The following RAB31 variants were observed in gnomAD, a reference collection of about 807,000 sequenced individuals.
RAB31 encodes the protein RAB31, member RAS oncogene family.
Under a neutral mutation model 25.6 loss-of-function variants are expected in RAB31, and 21 were observed. The ratio of observed to expected loss-of-function variants is 0.82; its 90% CI spans 0.58 to 1.18. The LOEUF (loss-of-function observed/expected upper bound fraction) is 1.18. RAB31 is among the 50% of genes most tolerant of loss of function. The probability of loss-of-function intolerance (pLI) is 0.00; values close to 1 mark genes in which losing one functional copy is unlikely to be tolerated. For missense variants in RAB31, 196 were observed against 250.1 expected, an observed-to-expected ratio of 0.78 and a Z score of 1.46; for synonymous variants, 87 against 84.0, an observed-to-expected ratio of 1.04 and a Z score of -0.20.
intron 1 of RAB31, among the ~76,000 whole-genome samples, chr18:9,718,418 C>A (rs1047010702): frequency 6.6e-6 from 1 of 151,642 alleles, no homozygotes; most frequent in African/African-American, 2.4e-5. Context: ...CGCCACCATG[C>A]CTGGCTAATT....
At chr18:9,719,301 ATAT>A (rs2068061504) in intron 1 of RAB31, among the ~76,000 whole-genome samples, 15 of 23,722 alleles carry the variant, frequency 6.3e-4, no homozygotes, top group East Asian at 3.1e-3. Flanking sequence ...AAAAAAAAAT[ATAT>A]ATATATATAT....
chr18:9,737,723 G>T (rs1273562173), intron 1 of RAB31, among the ~76,000 whole-genome samples: 1 of 152,156 alleles, frequency 6.6e-6, no homozygotes, highest in African/African-American at 2.4e-5. Context: ...GCAGAAAATT[G>T]CAGGCTAGAG....
intron 4 of RAB31, chr18:9,814,762 C>A: frequency 5.6e-6 from 1 of 177,462 alleles, no homozygotes; most frequent in South Asian, 1.2e-4. Context: ...AGACAGGACT[C>A]TAAATATATA....
intron 1 of RAB31, among the ~76,000 whole-genome samples, chr18:9,765,651 C>G (rs1450152261): frequency 6.6e-6 from 1 of 152,168 alleles, no homozygotes; most frequent in East Asian, 1.9e-4. Flanking sequence ...CCAGAGCAAA[C>G]AGGCCCAGTA....
At chr18:9,747,108 A>G (rs1479334887) in intron 1 of RAB31, among the ~76,000 whole-genome samples, 1 of 152,250 alleles carries the variant, frequency 6.6e-6, no homozygotes, top group Non-Finnish European at 1.5e-5. Context: ...AAGGATTTGA[A>G]TAGACCTTCT....
chr18:9,837,723 T>A (rs1413002851), intron 5 of RAB31, among the ~76,000 whole-genome samples: 1 of 152,198 alleles, frequency 6.6e-6, no homozygotes, highest in East Asian at 1.9e-4. Context: ...CATCCTTGAA[T>A]AAAAGTTTCT....
At chr18:9,804,351 ATGC>A (rs1271972300) in intron 3 of RAB31, among the ~76,000 whole-genome samples, 1 of 152,126 alleles carries the variant, frequency 6.6e-6, no homozygotes, top group Non-Finnish European at 1.5e-5. Flanking sequence ...TTAGTCTGGG[ATGC>A]CCTGAGTAGC....
intron 1 of RAB31, among the ~76,000 whole-genome samples, chr18:9,773,725 C>T (rs955147622): frequency 6.6e-6 from 1 of 152,192 alleles, no homozygotes; most frequent in Non-Finnish European, 1.5e-5. Context: ...GTGGCACAAT[C>T]ATAGCTCACT....
At chr18:9,793,608 G>C (rs1392121010) in intron 3 of RAB31, among the ~76,000 whole-genome samples, 2 of 151,828 alleles carry the variant, frequency 1.3e-5, no homozygotes, top group Non-Finnish European at 2.9e-5. Context: ...GTTGCAGTGA[G>C]CCGAGATCAT....
At chr18:9,740,699 T>G (rs1459604191) in intron 1 of RAB31, among the ~76,000 whole-genome samples, 1 of 151,794 alleles carries the variant, frequency 6.6e-6, no homozygotes, top group African/African-American at 2.4e-5. Flanking sequence ...GGCAACAGAG[T>G]AAGACTCTGT....
intron 2 of RAB31, among the ~76,000 whole-genome samples, chr18:9,782,179 T>G (rs912523913): frequency 6.6e-6 from 1 of 152,256 alleles, no homozygotes; most frequent in Admixed American, 6.5e-5. Context: ...CCTAGCCTGC[T>G]TCACTCATTT....
intron 5 of RAB31, among the ~76,000 whole-genome samples, chr18:9,842,052 G>A (rs1260745002): frequency 6.6e-6 from 1 of 152,112 alleles, no homozygotes; most frequent in African/African-American, 2.4e-5. Context: ...CTGTTGTTAT[G>A]GACACAACTC....
chr18:9,733,596 T>G (rs1213756917), intron 1 of RAB31, among the ~76,000 whole-genome samples: 1 of 152,156 alleles, frequency 6.6e-6, no homozygotes, highest in African/African-American at 2.4e-5. Context: ...CAATCCAAAC[T>G]CCAAGCCTCA....
intron 2 of RAB31, chr18:9,786,875 T>C (rs1200687807): frequency 2.0e-5 from 3 of 152,730 alleles, no homozygotes; most frequent in South Asian, 2.1e-4. Flanking sequence ...AGCCATGACG[T>C]TGAAGACTTG....
intron 1 of RAB31, among the ~76,000 whole-genome samples, chr18:9,738,606 C>A (rs1474522724): frequency 6.6e-6 from 1 of 152,208 alleles, no homozygotes; most frequent in Non-Finnish European, 1.5e-5. Context: ...CACACCCCTT[C>A]CCACATGCCT....
At chr18:9,828,485 T>C (rs974880909) in intron 5 of RAB31, among the ~76,000 whole-genome samples, 3 of 152,194 alleles carry the variant, frequency 2.0e-5, no homozygotes, top group Non-Finnish European at 4.4e-5. Flanking sequence ...AATCTATAGC[T>C]GGAAACCAGG....
In RAB31 at chr18:9,781,242, G is replaced by C. The variant is rs1283341781; in HGVS notation, c.119+5885G>C. On this transcript the variant is annotated intron_variant, in intron 2 of 6. Coordinates refer to ENST00000578921, the MANE Select transcript of RAB31 (RefSeq NM_006868.4). ...TCTTTTCCTCTAACTTCAAATGTTC[G>C]CATTTTCTCGTAGCTTAATGTTTCT... is the stretch of plus-strand genomic sequence containing the variant. Among the ~76,000 whole-genome samples, 7 of 151,864 alleles carry C rather than the reference G, an allele frequency of 4.6e-5. No individual in the cohort carries two copies. The South Asian group carries it at 1.0e-3, about 22-fold the overall frequency.
chr18:9,832,882 GC>G (rs1226784903), intron 5 of RAB31, among the ~76,000 whole-genome samples: 1 of 152,180 alleles, frequency 6.6e-6, no homozygotes, highest in Non-Finnish European at 1.5e-5. Context: ...CTTCCTGCAG[GC>G]CTCCCTGCGG....
intron 2 of RAB31, among the ~76,000 whole-genome samples, chr18:9,780,649 G>T (rs1387471570): frequency 6.6e-6 from 1 of 152,178 alleles, no homozygotes; most frequent in East Asian, 1.9e-4. Flanking sequence ...AATGTTATGA[G>T]GCTAGACACG....
Sources: gnomAD v4.1 joint callset for allele counts (sites outside exome capture counted in the v4.1 genomes callset) on GRCh38, gnomAD v4.1.1 for gene constraint, MANE v1.5 for transcripts, NCBI Gene and HGNC (gene_info 2026-07-23, HGNC 2026-07-21) for gene names.